DCC: variants seen among roughly 807,000 people sequenced by gnomAD.
DCC encodes the protein DCC netrin 1 receptor, also known as netrin receptor DCC.
In DCC, 58 loss-of-function variants were observed where a neutral mutation model predicts 172.5. That is an observed-to-expected ratio of 0.34 (90% CI 0.27 to 0.42). DCC has a LOEUF of 0.42. Among genes scored for constraint, DCC ranks in the 10% least tolerant of loss-of-function variants. The pLI is 1.00. For synonymous variants in DCC, 709 were observed against 644.5 expected (o/e 1.10, Z -1.52); for missense variants, 1,740 against 1,791.0 (o/e 0.97, Z 0.51).
At chr18:52,796,582 C>T (rs1014836716) in intron 2 of DCC, among the ~76,000 whole-genome samples, 1 of 152,088 alleles carries the variant, frequency 6.6e-6, no homozygotes, top group Non-Finnish European at 1.5e-5. Flanking sequence ...GATACCTTTG[C>T]TGGGTCTAGT....
intron 1 of DCC, among the ~76,000 whole-genome samples, chr18:52,391,214 A>G (rs1335643252): frequency 6.6e-6 from 1 of 152,098 alleles, no homozygotes; most frequent in African/African-American, 2.4e-5. Flanking sequence ...TTTGGAGCCT[A>G]TCATCTCTTG....
At position 53,351,293 on chromosome 18, in the gene DCC, A is replaced by G. The variant is rs72483023; in HGVS notation, c.2359+11386A>G. 6.6e-4 allele frequency among the ~76,000 whole-genome samples: 5 copies of G among 7,564 alleles called. No individual in the cohort carries two copies. In the East Asian group the frequency reaches 0.053, roughly 80 times the overall value. The allele number at this position is 7,564 out of a possible 152,430, so 5.0% of individuals were successfully genotyped here. On this transcript the variant is annotated intron_variant, in intron 15 of 28. Transcript: ENST00000442544. ...AAAAGATCTTCTCATTGAGTACAGT[A>G]TATATATATATATATATATATACAC...
intron 15 of DCC, among the ~76,000 whole-genome samples, chr18:53,379,557 G>C (rs1221587236): frequency 2.0e-5 from 3 of 152,170 alleles, no homozygotes; most frequent in African/African-American, 7.2e-5. Context: ...CTCAAAAAAA[G>C]CTCTTAGAAT....
intron 5 of DCC, among the ~76,000 whole-genome samples, chr18:53,017,785 T>G (rs1332109850): frequency 1.3e-5 from 2 of 152,240 alleles, no homozygotes; most frequent in South Asian, 2.1e-4. Context: ...TCATTTACTT[T>G]TACTATGCCA....
chr18:53,273,824 T>C (rs1046252006), intron 12 of DCC, among the ~76,000 whole-genome samples: 2 of 151,966 alleles, frequency 1.3e-5, no homozygotes, highest in African/African-American at 4.8e-5. Context: ...CAGTGAGTTA[T>C]CTCAATTGAG....
intron 21 of DCC, among the ~76,000 whole-genome samples, chr18:53,419,260 C>A (rs1484848068): frequency 6.6e-6 from 1 of 152,004 alleles, no homozygotes; most frequent in African/African-American, 2.4e-5. Context: ...ATGGGGTATC[C>A]ATCCCTTGAA....
intron 1 of DCC, among the ~76,000 whole-genome samples, chr18:52,704,920 C>T (rs369662027): frequency 8.5e-5 from 13 of 152,106 alleles, no homozygotes; most frequent in African/African-American, 2.4e-4. Flanking sequence ...TGGCCATTTA[C>T]GTTCTGGCCC....
intron 3 of DCC, 34 bp from the exon 4 acceptor site, chr18:52,923,673 A>T (rs762770835): frequency 1.3e-6 from 2 of 1,508,938 alleles, no homozygotes; most frequent in Non-Finnish European, 1.8e-6. Flanking sequence ...AATGTTTTTC[A>T]TATATCATAT....
At chr18:53,038,420 C>T (rs2042123960) in intron 5 of DCC, among the ~76,000 whole-genome samples, 1 of 151,972 alleles carries the variant, frequency 6.6e-6, no homozygotes, top group South Asian at 2.1e-4. Flanking sequence ...TCTAAACCTA[C>T]TTACCTCACA....
At chr18:53,049,603 G>C (rs758291294) in intron 5 of DCC, among the ~76,000 whole-genome samples, 7 of 152,072 alleles carry the variant, frequency 4.6e-5, no homozygotes, top group Non-Finnish European at 8.8e-5. Context: ...AGTATAGTTA[G>C]AAATTGGGTA....
At chr18:52,548,675 G>GAA (rs2032681318) in intron 1 of DCC, among the ~76,000 whole-genome samples, 1 of 152,108 alleles carries the variant, frequency 6.6e-6, no homozygotes, top group South Asian at 2.1e-4. Flanking sequence ...AGGCATCAGC[G>GAA]AAATCTCCCA....
In DCC at chr18:53,369,290, T is replaced by C. The variant is rs548508724; in HGVS notation, c.2360-16753T>C. On this transcript the variant is annotated intron_variant, in intron 15 of 28. Transcript: ENST00000442544. ...TTTTTGTGTTATTTTGCTAAATTCG[T>C]GTATTTGCTCTAAAAGGTGTTTTGG... Among the ~76,000 whole-genome samples, 286 of 152,058 alleles carry C rather than the reference T, an allele frequency of 1.9e-3. 2 individuals carry two copies. The highest frequency in any genetic ancestry group is 6.4e-3 in the African/African-American group (267 of 41,550).
chr18:53,063,186 G>A (rs1052683893), intron 5 of DCC, 119 bp from the exon 6 acceptor site: 3 of 979,592 alleles, frequency 3.1e-6, no homozygotes, highest in African/African-American at 3.2e-5. Flanking sequence ...CTTAGGGAAT[G>A]ATTTGAATTA....
chr18:52,406,975 C>T (rs1179449131), intron 1 of DCC, among the ~76,000 whole-genome samples: 1 of 151,912 alleles, frequency 6.6e-6, no homozygotes, highest in African/African-American at 2.4e-5. Context: ...TTGAGATTCA[C>T]ACCGGTGCTT....
intron 15 of DCC, among the ~76,000 whole-genome samples, chr18:53,341,859 C>T (rs909301680): frequency 6.6e-6 from 1 of 152,066 alleles, no homozygotes; most frequent in East Asian, 1.9e-4. Context: ...AAAATCAACA[C>T]ATCAGTTTCC....
At chr18:52,874,318 A>G (rs2039369350) in intron 2 of DCC, among the ~76,000 whole-genome samples, 2 of 152,368 alleles carry the variant, frequency 1.3e-5, no homozygotes, top group South Asian at 4.1e-4. Flanking sequence ...AGACCAATTT[A>G]ACTTATTTAA....
intron 1 of DCC, among the ~76,000 whole-genome samples, chr18:52,517,685 C>A (rs2031684500): frequency 6.6e-6 from 1 of 152,182 alleles, no homozygotes; most frequent in Admixed American, 6.5e-5. Context: ...AAAACACTGG[C>A]ATAAACGGTC....
At chr18:52,715,912 A>C (rs1283183254) in intron 1 of DCC, among the ~76,000 whole-genome samples, 1 of 142,768 alleles carries the variant, frequency 7.0e-6, no homozygotes, top group African/African-American at 2.4e-5. Context: ...TTCTCCTTCT[A>C]TCTGAGTTCT....
chr18:52,849,016 C>T (rs1447068483), intron 2 of DCC, among the ~76,000 whole-genome samples: 1 of 152,124 alleles, frequency 6.6e-6, no homozygotes, highest in Non-Finnish European at 1.5e-5. Context: ...TATTACTGAG[C>T]CTGAAACACT....
Sources: allele counts gnomAD v4.1 joint callset (sites outside exome capture counted in the v4.1 genomes callset), GRCh38; gene constraint gnomAD v4.1.1; transcripts MANE v1.5; gene names NCBI Gene and HGNC (gene_info 2026-07-23, HGNC 2026-07-21).